The following ST3GAL3 variants were observed in gnomAD, a reference collection of about 807,000 sequenced individuals.
ST3GAL3 encodes the protein ST3 beta-galactoside alpha-2,3-sialyltransferase 3.
In ST3GAL3, 21 loss-of-function variants were observed where a neutral mutation model predicts 50.1. That is an observed-to-expected ratio of 0.42 (90% CI 0.30 to 0.60). The LOEUF (loss-of-function observed/expected upper bound fraction) is 0.60, where lower values mean the gene tolerates loss of function less well. ST3GAL3 is among the 20% of genes least tolerant of loss of function. The probability of loss-of-function intolerance (pLI) is 0.19; values close to 1 mark genes in which losing one functional copy is unlikely to be tolerated. For missense variants in ST3GAL3, 353 were observed against 489.4 expected, an observed-to-expected ratio of 0.72 and a Z score of 2.63; for synonymous variants, 183 against 190.0, an observed-to-expected ratio of 0.96 and a Z score of 0.30.
intron 4 of ST3GAL3, among the ~76,000 whole-genome samples, chr1:43,837,322 G>C (rs1210163438): frequency 7.0e-6 from 1 of 142,256 alleles, no homozygotes; most frequent in African/African-American, 2.6e-5. Context: ...GCCAGATGAA[G>C]AAGGACAAGG....
chr1:43,709,480 C>T (rs1198709569), intron 1 of ST3GAL3: 1 of 151,916 alleles, frequency 6.6e-6, no homozygotes, highest in Non-Finnish European at 1.5e-5. Context: ...ACTTTCTGGA[C>T]TCAGGCGATC....
At chr1:43,733,248 A>C (rs757518175) in intron 1 of ST3GAL3, among the ~76,000 whole-genome samples, 2 of 152,132 alleles carry the variant, frequency 1.3e-5, no homozygotes, top group Non-Finnish European at 1.5e-5. Context: ...CAGTCCTCCT[A>C]CTTCGGCCTC....
intron 5 of ST3GAL3, among the ~76,000 whole-genome samples, chr1:43,874,957 G>A (rs1365262918): frequency 6.6e-6 from 1 of 152,178 alleles, no homozygotes; most frequent in African/African-American, 2.4e-5. Context: ...TATTTTGAGT[G>A]AGACCAGCCA....
chr1:43,817,769 TTCTTCTC>T (rs2061567533), intron 4 of ST3GAL3, among the ~76,000 whole-genome samples: 1 of 84,312 alleles, frequency 1.2e-5, no homozygotes, highest in African/African-American at 4.4e-5. Context: ...CTTCCTCTTC[TTCTTCTC>T]CTCCTTCTTC....
chr1:43,859,340 T>C (rs530461799), intron 5 of ST3GAL3, among the ~76,000 whole-genome samples: 5 of 152,132 alleles, frequency 3.3e-5, no homozygotes, highest in Non-Finnish European at 7.4e-5. Context: ...AAACAGAAGA[T>C]TGGGGCTGGG....
intron 1 of ST3GAL3, among the ~76,000 whole-genome samples, chr1:43,720,200 G>T (rs1432610994): frequency 6.6e-6 from 1 of 152,176 alleles, no homozygotes; most frequent in African/African-American, 2.4e-5. Context: ...CTGCACTCCA[G>T]CCTGGACCGC....
At chr1:43,719,460 G>A (rs769002701) in intron 1 of ST3GAL3, among the ~76,000 whole-genome samples, 3 of 151,884 alleles carry the variant, frequency 2.0e-5, no homozygotes, top group Admixed American at 6.6e-5. Flanking sequence ...TCAGGAGTTC[G>A]AGACCAGCCT....
intron 2 of ST3GAL3, among the ~76,000 whole-genome samples, chr1:43,766,418 A>G (rs541346048): frequency 6.6e-6 from 1 of 152,306 alleles, no homozygotes; most frequent in African/African-American, 2.4e-5. Flanking sequence ...TTAAAAAAAA[A>G]TAAGTAAATA....
In ST3GAL3 at chr1:43,877,888, G is replaced by A. The variant is rs1238286232; in HGVS notation, c.303-16495G>A. The stretch of plus-strand genomic sequence containing the variant: ...CTCTGTCATGTTGTCTCACTCCTTA[G>A]CAGAGGAAAAAAGATGGCTGAAACC... On this transcript the variant is annotated intron_variant, in intron 5 of 11. Coordinates refer to ENST00000347631, the MANE Select transcript of ST3GAL3 (RefSeq NM_006279.5). Among the ~76,000 whole-genome samples, 3 of 152,278 alleles carry A rather than the reference G, an allele frequency of 2.0e-5. No homozygotes were observed. In the East Asian group the frequency reaches 5.8e-4, roughly 29 times the overall value.
chr1:43,797,532 GA>G (rs1481646801), intron 3 of ST3GAL3, among the ~76,000 whole-genome samples: 1 of 151,784 alleles, frequency 6.6e-6, no homozygotes, highest in South Asian at 2.1e-4. Flanking sequence ...ACTGTCTAAA[GA>G]AAAAAAACTG....
At chr1:43,752,315 A>G (rs1686463206) in intron 2 of ST3GAL3, among the ~76,000 whole-genome samples, 1 of 152,170 alleles carries the variant, frequency 6.6e-6, no homozygotes, top group African/African-American at 2.4e-5. Flanking sequence ...TCCATTTTGC[A>G]GGTGGGAAAA....
At chr1:43,780,465 C>G (rs1019773993) in intron 2 of ST3GAL3, among the ~76,000 whole-genome samples, 3 of 152,146 alleles carry the variant, frequency 2.0e-5, no homozygotes, top group African/African-American at 7.2e-5. Context: ...AGTTCTGGGA[C>G]AACTTTATTG....
intron 2 of ST3GAL3, among the ~76,000 whole-genome samples, chr1:43,782,434 A>G (rs1332646356): frequency 6.6e-6 from 1 of 152,214 alleles, no homozygotes; most frequent in African/African-American, 2.4e-5. Flanking sequence ...AAATCTGTTG[A>G]TATCATTAAT....
intron 2 of ST3GAL3, among the ~76,000 whole-genome samples, chr1:43,744,185 G>C (rs574372685): frequency 2.4e-4 from 37 of 152,170 alleles, no homozygotes; most frequent in African/African-American, 8.2e-4. Context: ...GTTTCATATA[G>C]AGAAGTCTGT....
At position 43,736,346 on chromosome 1, in the gene ST3GAL3, GA is replaced by G; in HGVS notation, c.86del (p.Lys29SerfsTer25). 1 of 1,614,088 alleles carries G rather than the reference GA, an allele frequency of 6.2e-7. No homozygotes were observed. Among genetic ancestry groups the G allele is most frequent in the Non-Finnish European group, 8.5e-7 (1 of 1,180,024 alleles). Reference sequence around the variant, plus strand: ...TGGGATTTTTGTATTATTCTGCGTGGAAGCTACACTTACTCCAGTGGGAGGA... The same window carrying G: ...TGGGATTTTTGTATTATTCTGCGTGGAGCTACACTTACTCCAGTGGGAGGA... ...VLGFLYYSAW[K>X]LHLLQWEEDS... On this transcript the variant is annotated frameshift_variant, in exon 2 of 12. Coordinates refer to ENST00000347631, the MANE Select transcript of ST3GAL3 (RefSeq NM_006279.5). LOFTEE classifies it high-confidence loss of function.
intron 11 of ST3GAL3, among the ~76,000 whole-genome samples, chr1:43,921,132 C>G (rs149233322): frequency 1.3e-5 from 2 of 152,102 alleles, no homozygotes; most frequent in Admixed American, 6.5e-5. Context: ...AGGGACTCTC[C>G]GTGCCCTGGT....
Position 43,899,147 on chromosome 1 carries a change from T to C in ST3GAL3, c.462-21T>C. 1 of 1,613,722 alleles carries C rather than the reference T, an allele frequency of 6.2e-7. No individual in the cohort carries two copies. Among genetic ancestry groups the C allele is most frequent in the South Asian group, 1.1e-5 (1 of 91,048 alleles). ...TGGTGGGCAGCTCTCTGTACAGAGGTCTCCGCCTCTCTCCCCTCAGCCTCC... is the reference window on the plus strand; with the variant it reads ...TGGTGGGCAGCTCTCTGTACAGAGGCCTCCGCCTCTCTCCCCTCAGCCTCC... On this transcript the variant is annotated intron_variant, in intron 7 of 11. Coordinates refer to ENST00000347631, the MANE Select transcript of ST3GAL3 (RefSeq NM_006279.5). This position sits in a 1 kb window ranked among gnomAD's most constrained non-coding sequence, Gnocchi z 5.4.
intron 1 of ST3GAL3, among the ~76,000 whole-genome samples, chr1:43,734,299 T>TC (rs1677317855): frequency 5.1e-5 from 6 of 116,876 alleles, no homozygotes; most frequent in African/African-American, 1.7e-4. Flanking sequence ...TTCTTCTTCT[T>TC]TTTTTTTTGT....
At chr1:43,879,447 A>G (rs2074716920) in intron 5 of ST3GAL3, 2 of 456,316 alleles carry the variant, frequency 4.4e-6, no homozygotes, top group Non-Finnish European at 8.8e-6. Context: ...GAAGCTGCAC[A>G]TTGACCATCA....
Sources: gnomAD v4.1 joint callset for allele counts (sites outside exome capture counted in the v4.1 genomes callset) on GRCh38, gnomAD v4.1.1 for gene constraint, Gnocchi (gnomAD v3.1) non-coding constraint, MANE v1.5 for transcripts, NCBI Gene and HGNC (gene_info 2026-07-23, HGNC 2026-07-21) for gene names.